The following SCML4 variants were observed in gnomAD, a reference collection of about 807,000 sequenced individuals.
SCML4 encodes the protein Scm polycomb group protein like 4.
In SCML4, 34 loss-of-function variants were observed where a neutral mutation model predicts 41.1. That is an observed-to-expected ratio of 0.83 (90% CI 0.63 to 1.10). The LOEUF (loss-of-function observed/expected upper bound fraction) is 1.10. Ranked by LOEUF, SCML4 falls within the 50% of genes least tolerant of loss-of-function variation. SCML4 has a pLI of 0.00. For missense variants in SCML4, 522 were observed against 534.1 expected, an observed-to-expected ratio of 0.98 and a Z score of 0.22; for synonymous variants, 214 against 220.9, an observed-to-expected ratio of 0.97 and a Z score of 0.28.
At chr6:107,750,908 T>G (rs1583485149) in intron 2 of SCML4, among the ~76,000 whole-genome samples, 1 of 152,352 alleles carries the variant, frequency 6.6e-6, no homozygotes, top group Non-Finnish European at 1.5e-5. Context: ...AGTCCTCATC[T>G]ATATCTTCAC....
intron 1 of SCML4, among the ~76,000 whole-genome samples, chr6:107,810,341 A>G (rs1435626630): frequency 6.6e-6 from 1 of 152,134 alleles, no homozygotes; most frequent in Non-Finnish European, 1.5e-5. Flanking sequence ...CAGGAAAATC[A>G]CTGGTCCTAG....
chr6:107,735,125 C>G (rs1320808831), intron 5 of SCML4, among the ~76,000 whole-genome samples: 1 of 152,230 alleles, frequency 6.6e-6, no homozygotes, highest in Non-Finnish European at 1.5e-5. Flanking sequence ...GTCCACCCAC[C>G]TCGGCCTCCC....
At chr6:107,714,332 G>T (rs903581551) in intron 6 of SCML4, among the ~76,000 whole-genome samples, 2 of 151,984 alleles carry the variant, frequency 1.3e-5, no homozygotes, top group African/African-American at 2.4e-5. Context: ...GAAGCCTCCA[G>T]CCATCCCTCC....
chr6:107,706,911 A>C (rs1773691547), intron 7 of SCML4, among the ~76,000 whole-genome samples: 2 of 152,174 alleles, frequency 1.3e-5, no homozygotes, highest in South Asian at 4.1e-4. Flanking sequence ...GAACCTCCAG[A>C]AGGAAAGGCA....
chr6:107,753,384 G>A (rs1778848830), intron 2 of SCML4, among the ~76,000 whole-genome samples: 2 of 152,124 alleles, frequency 1.3e-5, no homozygotes, highest in Admixed American at 6.5e-5. Context: ...TCACATCCAC[G>A]TTCACGGCAA....
At chr6:107,845,222 C>T in the SCML4 span, among the ~76,000 whole-genome samples, 12 of 151,596 alleles carry the variant, frequency 7.9e-5, no homozygotes, top group African/African-American at 2.4e-4. Context: ...GGCGACAGAG[C>T]TAGAAAACAA....
chr6:107,820,295 C>T (rs1484083617), intron 1 of SCML4, among the ~76,000 whole-genome samples: 1 of 152,190 alleles, frequency 6.6e-6, no homozygotes, highest in Admixed American at 6.5e-5. Context: ...ACCACTTGCC[C>T]TCCAGATGCT....
At chr6:107,826,790 G>C (rs1282954700), upstream of SCML4, among the ~76,000 whole-genome samples, 1 of 152,216 alleles carries the variant, frequency 6.6e-6, no homozygotes, top group African/African-American at 2.4e-5. Flanking sequence ...TTGCTTGGGC[G>C]CGGTGGCTCA....
chr6:107,845,538 A>T, the SCML4 span, among the ~76,000 whole-genome samples: 1 of 152,188 alleles, frequency 6.6e-6, no homozygotes, highest in African/African-American at 2.4e-5. Context: ...AGGAAAAGGG[A>T]TTTTCTCACT....
chr6:107,844,815 A>G, the SCML4 span, among the ~76,000 whole-genome samples: 1 of 151,954 alleles, frequency 6.6e-6, no homozygotes. Flanking sequence ...TAATCCCAAC[A>G]CTTTGGGAGG....
At chr6:107,794,055 T>C (rs915756733) in intron 1 of SCML4, among the ~76,000 whole-genome samples, 1 of 152,266 alleles carries the variant, frequency 6.6e-6, no homozygotes, top group African/African-American at 2.4e-5. Context: ...TATTATGGTC[T>C]TATCATCAGT....
rs920676710 is a variant in SCML4, at chr6:107,786,431, G to C, written c.-59-14045C>G. Among the ~76,000 whole-genome samples the C allele has an allele frequency of 2.6e-5, 4 of 152,114 alleles. No individual in the cohort carries two copies. In the East Asian group the frequency reaches 5.8e-4, roughly 22 times the overall value. ...CCAGAGGCTCCTCCCCCACAGTCTT[G>C]CCTGAAAATTGCTACTTGGACAGAA... On this transcript the variant is annotated intron_variant, in intron 1 of 7. Coordinates refer to ENST00000369020, the MANE Select transcript of SCML4 (RefSeq NM_198081.5).
chr6:107,743,045 T>C (rs985477047), intron 5 of SCML4, among the ~76,000 whole-genome samples: 11 of 152,188 alleles, frequency 7.2e-5, no homozygotes, highest in Non-Finnish European at 1.3e-4. Context: ...GTAGGGGGGA[T>C]GGAGTTAAAC....
At chr6:107,789,806 A>T (rs753336750) in intron 1 of SCML4, among the ~76,000 whole-genome samples, 1 of 152,190 alleles carries the variant, frequency 6.6e-6, no homozygotes, top group African/African-American at 2.4e-5. Flanking sequence ...GTGGGCACTG[A>T]TCCTGACACA....
chr6:107,740,243 G>A, intron 5 of SCML4: 1 of 449,894 alleles, frequency 2.2e-6, no homozygotes, highest in South Asian at 1.6e-5. Context: ...ACAATAAAGT[G>A]TGAGACCACC....
upstream of SCML4, among the ~76,000 whole-genome samples, chr6:107,828,252 G>T (rs1360785093): frequency 6.6e-6 from 1 of 152,178 alleles, no homozygotes; most frequent in African/African-American, 2.4e-5. Flanking sequence ...ACTGCCACTT[G>T]TTCCAGCCCT....
intron 1 of SCML4, among the ~76,000 whole-genome samples, chr6:107,803,514 C>A (rs1368544928): frequency 1.1e-4 from 17 of 149,670 alleles, no homozygotes; most frequent in Non-Finnish European, 1.9e-4. Flanking sequence ...AAGTGAGGAG[C>A]CCCTCTGCCC....
At chr6:107,807,638 T>G (rs908579595) in intron 1 of SCML4, among the ~76,000 whole-genome samples, 1 of 152,224 alleles carries the variant, frequency 6.6e-6, no homozygotes, top group African/African-American at 2.4e-5. Context: ...TTGTCATATT[T>G]ATTAGCACAA....
At chr6:107,728,718 G>C (rs534982862) in intron 5 of SCML4, among the ~76,000 whole-genome samples, 22 of 152,330 alleles carry the variant, frequency 1.4e-4, no homozygotes, top group Non-Finnish European at 2.6e-4. Context: ...TATCAGAAGG[G>C]AAAATAGGCT....
Sources: allele counts gnomAD v4.1 joint callset (sites outside exome capture counted in the v4.1 genomes callset), GRCh38; gene constraint gnomAD v4.1.1; transcripts MANE v1.5; gene names NCBI Gene and HGNC (gene_info 2026-07-23, HGNC 2026-07-21).